FUT8: variants seen among roughly 807,000 people sequenced by gnomAD.
FUT8 encodes alpha-(1,6)-fucosyltransferase.
In FUT8, 29 loss-of-function variants were observed where a neutral mutation model predicts 71.3. That is an observed-to-expected ratio of 0.41 (90% CI 0.30 to 0.55). The LOEUF is 0.55. Ranked by LOEUF, FUT8 falls within the 20% of genes least tolerant of loss-of-function variation. FUT8 has a pLI of 0.34. For missense variants in FUT8, 544 were observed against 702.1 expected, an observed-to-expected ratio of 0.77 and a Z score of 2.55; for synonymous variants, 254 against 239.3, an observed-to-expected ratio of 1.06 and a Z score of -0.57.
the FUT8 span, among the ~76,000 whole-genome samples, chr14:65,389,432 C>G: frequency 6.6e-6 from 1 of 151,620 alleles, no homozygotes; most frequent in African/African-American, 2.4e-5. Context: ...GTGCCTCAGC[C>G]TCCCAAGTAG....
the FUT8 span, among the ~76,000 whole-genome samples, chr14:65,389,899 T>C: frequency 4.8e-4 from 73 of 151,380 alleles, no homozygotes; most frequent in South Asian, 0.014. Context: ...ATAAGTACAA[T>C]TGGGAGGCTG....
rs1325696101 is a variant in FUT8, at chr14:65,603,583, A to G, written c.204-12395A>G. On this transcript the variant is annotated intron_variant, in intron 3 of 10. Coordinates refer to ENST00000673929, the MANE Select transcript of FUT8 (RefSeq NM_001371533.1). This position sits in a 1 kb window ranked among gnomAD's most constrained non-coding sequence, Gnocchi z 4.5. ...ATTTGGCGGTATGGCAATTTTCACA[A>G]TGACCATAAGCTCATTTTCTAATTG... Among the ~76,000 whole-genome samples the G allele has an allele frequency of 6.6e-6, 1 of 151,788 alleles. No homozygotes were observed. The highest frequency in any genetic ancestry group is 1.5e-5 in the Non-Finnish European group (1 of 67,880).
Position 65,574,194 on chromosome 14 carries a change from C to T in FUT8, c.203+12428C>T, listed in dbSNP as rs1434578221. 6.6e-6 allele frequency among the ~76,000 whole-genome samples: 1 copy of T among 152,144 alleles called. No individual in the cohort carries two copies. Among genetic ancestry groups the T allele is most frequent in the Admixed American group, 6.5e-5 (1 of 15,272 alleles). On this transcript the variant is annotated intron_variant, in intron 3 of 10. Transcript: ENST00000673929. This position sits in a 1 kb window ranked among gnomAD's most constrained non-coding sequence, Gnocchi z 5.2. ...TTTCCAAGTGGACCTCTCCAGAGGG[C>T]AGCTCACACCATAGCTTGCTTCATC...
At chr14:65,674,217 A>C (rs984991268) in intron 7 of FUT8, among the ~76,000 whole-genome samples, 2 of 152,156 alleles carry the variant, frequency 1.3e-5, no homozygotes, top group African/African-American at 4.8e-5. Flanking sequence ...AAACAAGTAC[A>C]TTTACTATTT....
chr14:65,390,762 C>T, the FUT8 span, among the ~76,000 whole-genome samples: 3 of 138,290 alleles, frequency 2.2e-5, no homozygotes, highest in Non-Finnish European at 4.6e-5. Flanking sequence ...CTCGCTATGT[C>T]ACCCTGGCTG....
rs952140419 is a variant in FUT8, at chr14:65,550,706, C to A, written c.-227-10631C>A. Among the ~76,000 whole-genome samples, 1 of 152,074 alleles carries A rather than the reference C, an allele frequency of 6.6e-6. No homozygotes were observed. Among genetic ancestry groups the A allele is most frequent in the Admixed American group, 6.5e-5 (1 of 15,270 alleles). The stretch of plus-strand genomic sequence containing the variant: ...CTAGCACATATTTCGATACTTGTTT[C>A]AGCGCTCTTGTCTGCTGTCATCATT... On this transcript the variant is annotated intron_variant, in intron 2 of 10. Coordinates refer to ENST00000673929, the MANE Select transcript of FUT8 (RefSeq NM_001371533.1). This position sits in a 1 kb window ranked among gnomAD's most constrained non-coding sequence, Gnocchi z 4.5.
chr14:65,725,020 A>C (rs1294919762), intron 9 of FUT8, among the ~76,000 whole-genome samples: 1 of 152,170 alleles, frequency 6.6e-6, no homozygotes, highest in East Asian at 1.9e-4. Flanking sequence ...AGCCATACAG[A>C]CTGTTAGCAA....
intron 2 of FUT8, among the ~76,000 whole-genome samples, chr14:65,515,177 T>A (rs1260492988): frequency 4.6e-5 from 7 of 152,174 alleles, no homozygotes; most frequent in African/African-American, 1.7e-4. Flanking sequence ...TAAAAACTTG[T>A]ATAAATTTGT....
At chr14:65,393,920 C>A in the FUT8 span, among the ~76,000 whole-genome samples, 1 of 152,128 alleles carries the variant, frequency 6.6e-6, no homozygotes, top group African/African-American at 2.4e-5. Flanking sequence ...GCAGGCAAGA[C>A]AGAGTGAGAG....
intron 9 of FUT8, among the ~76,000 whole-genome samples, chr14:65,728,972 T>C (rs1404778754): frequency 2.0e-5 from 3 of 152,080 alleles, no homozygotes; most frequent in African/African-American, 7.2e-5. Context: ...ATTTAAACTC[T>C]TTTCACTTAA....
At chr14:65,593,303 TATAAC>T (rs1213570174) in intron 3 of FUT8, among the ~76,000 whole-genome samples, 2 of 152,226 alleles carry the variant, frequency 1.3e-5, no homozygotes, top group African/African-American at 4.8e-5. Context: ...TAAAGAATAA[TATAAC>T]TTAAATGAAT....
At chr14:65,641,168 T>C (rs1050015050) in intron 6 of FUT8, among the ~76,000 whole-genome samples, 2 of 152,182 alleles carry the variant, frequency 1.3e-5, no homozygotes. Context: ...TTGTGTTTCC[T>C]CCACCACTTC....
At chr14:65,545,352 C>T (rs1884927514) in intron 2 of FUT8, among the ~76,000 whole-genome samples, 1 of 151,850 alleles carries the variant, frequency 6.6e-6, no homozygotes. Context: ...TATGTATGTA[C>T]TATATATGGC....
chr14:65,504,191 G>A (rs1391031340), intron 2 of FUT8, among the ~76,000 whole-genome samples: 2 of 152,214 alleles, frequency 1.3e-5, no homozygotes, highest in East Asian at 3.9e-4. Flanking sequence ...AAATATTAAA[G>A]TAGGATGTTA....
Position 65,634,578 on chromosome 14 carries a change from A to AG in FUT8, c.597+4972_597+4973insG, listed in dbSNP as rs1260093669. On this transcript the variant is annotated intron_variant, in intron 6 of 10. Transcript: ENST00000673929. ...TGATCAATTAAAAAAAAAAAAAAAA[A>AG]AAAGAAAAGGGTGTCCTTTCCCCAC... is the stretch of plus-strand genomic sequence containing the variant. Among the ~76,000 whole-genome samples, 865 of 148,970 alleles carry AG rather than the reference A, an allele frequency of 5.8e-3. 2 individuals carry two copies. Among genetic ancestry groups the AG allele is most frequent in the Middle Eastern group, 0.024 (7 of 292 alleles).
intron 2 of FUT8, chr14:65,468,330 C>T (rs1039635823): frequency 8.4e-6 from 5 of 597,154 alleles, no homozygotes; most frequent in African/African-American, 7.4e-5. Flanking sequence ...TCTTCTTTCC[C>T]TTTGTGTTCG....
At chr14:65,511,201 T>C (rs1882317468) in intron 2 of FUT8, among the ~76,000 whole-genome samples, 2 of 152,142 alleles carry the variant, frequency 1.3e-5, no homozygotes, top group Admixed American at 1.3e-4. Context: ...AATTTACATA[T>C]ATTTGTATAG....
intron 2 of FUT8, among the ~76,000 whole-genome samples, chr14:65,549,288 C>A (rs972134953): frequency 6.6e-6 from 1 of 151,782 alleles, no homozygotes; most frequent in African/African-American, 2.4e-5. Context: ...TATATTTTTA[C>A]TGAATAACAA....
At chr14:65,495,658 T>TA (rs1389092814) in intron 2 of FUT8, among the ~76,000 whole-genome samples, 2 of 152,316 alleles carry the variant, frequency 1.3e-5, no homozygotes, top group East Asian at 3.9e-4. Flanking sequence ...GATACCAGGT[T>TA]AAAATACAAG....
Sources: gnomAD v4.1 joint callset for allele counts (sites outside exome capture counted in the v4.1 genomes callset) on GRCh38, gnomAD v4.1.1 for gene constraint, Gnocchi (gnomAD v3.1) non-coding constraint, MANE v1.5 for transcripts, NCBI Gene and HGNC (gene_info 2026-07-23, HGNC 2026-07-21) for gene names.